ATP9B: variants seen among roughly 807,000 people sequenced by gnomAD.
The protein encoded by ATP9B is probable phospholipid-transporting ATPase IIB.
A neutral mutation model predicts 146.1 loss-of-function variants in ATP9B; 110 were observed. The ratio of observed to expected loss-of-function variants is 0.75; its 90% CI spans 0.65 to 0.88. The LOEUF (loss-of-function observed/expected upper bound fraction) is 0.88, where lower values mean the gene tolerates loss of function less well. Among genes scored for constraint, ATP9B ranks in the 40% least tolerant of loss-of-function variants. The pLI is 0.00. For synonymous variants in ATP9B, 604 were observed against 569.7 expected (o/e 1.06, Z -0.86); for missense variants, 1,499 against 1,496.4 (o/e 1.00, Z -0.03).
chr18:79,344,800 G>A (rs568093107), intron 21 of ATP9B, among the ~76,000 whole-genome samples: 1 of 152,296 alleles, frequency 6.6e-6, no homozygotes, highest in Non-Finnish European at 1.5e-5. Flanking sequence ...GAGGAGGAGC[G>A]ACAAGAGCCT....
chr18:79,180,051 A>G (rs1340474546), intron 8 of ATP9B, among the ~76,000 whole-genome samples: 1 of 152,016 alleles, frequency 6.6e-6, no homozygotes, highest in Non-Finnish European at 1.5e-5. Context: ...TGAGACATCT[A>G]TTTTGTTCTT....
At chr18:79,335,929 C>CAT (rs1004627167) in intron 17 of ATP9B, among the ~76,000 whole-genome samples, 31 of 152,156 alleles carry the variant, frequency 2.0e-4, no homozygotes, top group Non-Finnish European at 4.4e-5. Flanking sequence ...GTTCTAAATC[C>CAT]ATGGTATTAC....
chr18:79,208,749 G>T (rs192007884), intron 10 of ATP9B, among the ~76,000 whole-genome samples: 2 of 151,874 alleles, frequency 1.3e-5, no homozygotes, highest in South Asian at 2.1e-4. Flanking sequence ...TTATGTGTGT[G>T]TGTGTATATA....
chr18:79,367,158 T>G (rs1228111779), intron 26 of ATP9B, among the ~76,000 whole-genome samples: 1 of 71,940 alleles, frequency 1.4e-5, no homozygotes, highest in African/African-American at 6.5e-5. Context: ...AGAAAGCGCC[T>G]CCTCAACCAG....
At chr18:79,338,006 G>A (rs930305883) in intron 19 of ATP9B, among the ~76,000 whole-genome samples, 1 of 152,196 alleles carries the variant, frequency 6.6e-6, no homozygotes, top group Non-Finnish European at 1.5e-5. Context: ...CGTGTTCCAT[G>A]AGGACGGGAG....
At chr18:79,236,328 C>T (rs1018355097) in intron 11 of ATP9B, among the ~76,000 whole-genome samples, 1 of 152,038 alleles carries the variant, frequency 6.6e-6, no homozygotes, top group South Asian at 2.1e-4. Flanking sequence ...GCTCATTTTC[C>T]CATTGGATTG....
At chr18:79,117,065 G>T (rs1441108072) in intron 4 of ATP9B, 2 of 151,874 alleles carry the variant, frequency 1.3e-5, no homozygotes, top group East Asian at 1.9e-4. Flanking sequence ...GTACTTGTTG[G>T]AATACTGTGT....
chr18:79,374,719 G>C (rs1200718673), intron 28 of ATP9B, among the ~76,000 whole-genome samples: 1 of 152,254 alleles, frequency 6.6e-6, no homozygotes, highest in Non-Finnish European at 1.5e-5. Context: ...AAATGTTCCT[G>C]TTCTTACATA....
intron 2 of ATP9B, 29 bp from the exon 3 acceptor site, chr18:79,110,326 A>T (rs764025452): frequency 6.6e-7 from 1 of 1,511,802 alleles, no homozygotes; most frequent in East Asian, 2.4e-5. Context: ...AAAAAAAAAT[A>T]CACAATACGT....
rs563290613 is a variant in ATP9B, at chr18:79,301,919, G to A, written c.1412-1685G>A. On this transcript the variant is annotated intron_variant, in intron 13 of 29. Transcript: ENST00000426216. ...ATTTTCCTTGTCTTTGAAAGTAAGC[G>A]CTGTGTCCTGATGGAAGGCTCTGAG... Among the ~76,000 whole-genome samples, 483 of 152,266 alleles carry A rather than the reference G, an allele frequency of 3.2e-3. 2 individuals are homozygous for A. The highest frequency in any genetic ancestry group is 0.011 in the African/African-American group (469 of 41,532).
chr18:79,124,573 C>G (rs1402074892), intron 4 of ATP9B, among the ~76,000 whole-genome samples: 5 of 152,210 alleles, frequency 3.3e-5, no homozygotes, highest in African/African-American at 9.6e-5. Context: ...AACAGTGCTT[C>G]CAACAACCCC....
At chr18:79,296,301 C>T (rs1446322643) in intron 13 of ATP9B, among the ~76,000 whole-genome samples, 1 of 152,196 alleles carries the variant, frequency 6.6e-6, no homozygotes, top group African/African-American at 2.4e-5. Context: ...CAGGTGTGAG[C>T]CACCATGTTA....
intron 18 of ATP9B, among the ~76,000 whole-genome samples, chr18:79,337,047 G>A (rs571137263): frequency 7.8e-4 from 114 of 145,890 alleles, no homozygotes; most frequent in African/African-American, 2.4e-3. Context: ...AGCCCATGCT[G>A]TCCAGCTCTG....
At chr18:79,214,117 C>A in intron 11 of ATP9B, 79 bp downstream of exon 11, 2 of 980,812 alleles carry the variant, frequency 2.0e-6, no homozygotes, top group Non-Finnish European at 2.9e-6. Context: ...TTCTGAATAG[C>A]TCATTCTTTT....
intron 9 of ATP9B, among the ~76,000 whole-genome samples, chr18:79,205,640 G>A (rs1272766159): frequency 6.6e-6 from 1 of 152,118 alleles, no homozygotes; most frequent in Admixed American, 6.5e-5. Context: ...TCCCACACGG[G>A]ACGTCTTCCC....
At chr18:79,149,406 G>A (rs1354393812) in intron 6 of ATP9B, among the ~76,000 whole-genome samples, 3 of 152,084 alleles carry the variant, frequency 2.0e-5, no homozygotes, top group East Asian at 1.9e-4. Flanking sequence ...CTCAAATGGC[G>A]CTGGGCATCC....
At chr18:79,329,385 A>G (rs2096778240) in intron 16 of ATP9B, 83 bp downstream of exon 16, 1 of 1,410,160 alleles carries the variant, frequency 7.1e-7, no homozygotes, top group Admixed American at 2.6e-5. Context: ...CCCAAAAGAA[A>G]GTTAAACATT....
intron 2 of ATP9B, among the ~76,000 whole-genome samples, chr18:79,102,256 C>T (rs2075335384): frequency 6.6e-6 from 1 of 152,132 alleles, no homozygotes; most frequent in Admixed American, 6.6e-5. Flanking sequence ...GCTTTTGTTA[C>T]TTTTGTGAAT....
intron 5 of ATP9B, among the ~76,000 whole-genome samples, chr18:79,135,516 C>T (rs1456204776): frequency 6.6e-6 from 1 of 152,154 alleles, no homozygotes; most frequent in Non-Finnish European, 1.5e-5. Context: ...GCCTTAGTGC[C>T]ACTCCACCTG....
Sources: gnomAD v4.1 joint callset for allele counts (sites outside exome capture counted in the v4.1 genomes callset) on GRCh38, gnomAD v4.1.1 for gene constraint, MANE v1.5 for transcripts, NCBI Gene and HGNC (gene_info 2026-07-23, HGNC 2026-07-21) for gene names.